The following SEH1L variants were observed in gnomAD, a reference collection of about 807,000 sequenced individuals.
SEH1L encodes nucleoporin SEH1.
A neutral mutation model predicts 49.5 loss-of-function variants in SEH1L; 18 were observed. The observed-to-expected ratio is 0.36, with a 90% CI of 0.25 to 0.54. SEH1L has a LOEUF of 0.54. Ranked by LOEUF, SEH1L falls within the 20% of genes least tolerant of loss-of-function variation. The pLI is 0.87. For missense variants in SEH1L, 404 were observed against 528.8 expected (o/e 0.76, Z 2.31); for synonymous variants, 169 against 178.1 (o/e 0.95, Z 0.41).
At chr18:12,968,346 C>T (rs971588540) in intron 4 of SEH1L, among the ~76,000 whole-genome samples, 4 of 152,170 alleles carry the variant, frequency 2.6e-5, no homozygotes, top group African/African-American at 7.2e-5. Flanking sequence ...AAAGATTTTC[C>T]GTTGAGCACG....
chr18:12,956,207 T>TGG (rs2030848806), intron 3 of SEH1L, among the ~76,000 whole-genome samples: 9 of 151,836 alleles, frequency 5.9e-5, no homozygotes, highest in African/African-American at 2.2e-4. Flanking sequence ...ACCACGCCCA[T>TGG]CTAATTTTTT....
At chr18:12,955,941 C>T (rs2030823978) in intron 3 of SEH1L, among the ~76,000 whole-genome samples, 1 of 151,690 alleles carries the variant, frequency 6.6e-6, no homozygotes, top group Non-Finnish European at 1.5e-5. Flanking sequence ...AAACTCCTGG[C>T]CCCACCTCAG....
chr18:12,961,635 A>G (rs1414495386), intron 3 of SEH1L, among the ~76,000 whole-genome samples: 4 of 152,248 alleles, frequency 2.6e-5, no homozygotes, highest in Admixed American at 6.5e-5. Context: ...TTTGGTAACC[A>G]TAGACAGTAA....
Position 12,987,119 on chromosome 18 carries a change from G to T in SEH1L, c.*62G>T. ...CTTGTAAATGCTTTCATTTCTGGCT[G>T]CTTTTTGTTTTTCATTTTCTTTCAG... On this transcript the variant is annotated 3_prime_UTR_variant, in exon 9 of 9. Transcript: ENST00000399892. 1.6e-6 allele frequency: 2 copies of T among 1,241,042 alleles called. No individual in the cohort carries two copies. Among genetic ancestry groups the T allele is most frequent in the Non-Finnish European group, 1.1e-6 (1 of 899,602 alleles). The allele number at this position is 1,241,042 out of a possible 1,614,324, so 76.9% of individuals were successfully genotyped here.
intron 2 of SEH1L, among the ~76,000 whole-genome samples, chr18:12,952,345 G>A (rs2030592898): frequency 6.6e-6 from 1 of 150,852 alleles, no homozygotes; most frequent in Non-Finnish European, 1.5e-5. Context: ...TGATTCTTCT[G>A]CCTCAGCCTC....
Position 12,987,259 on chromosome 18 carries a change from A to C in SEH1L, c.*202A>C. 1 of 422,492 alleles carries C rather than the reference A, an allele frequency of 2.4e-6. No individual in the cohort carries two copies. The highest frequency in any genetic ancestry group is 4.2e-6 in the Non-Finnish European group (1 of 236,514). The allele number at this position is 422,492 out of a possible 1,614,324, so 26.2% of individuals were successfully genotyped here. A position where few individuals can be genotyped will look rare whatever the true frequency, so the allele number is the denominator to read the frequency against. On this transcript the variant is annotated 3_prime_UTR_variant, in exon 9 of 9. Coordinates refer to ENST00000399892, the MANE Select transcript of SEH1L (RefSeq NM_001013437.2). ...AGGAACATTTGCTTCACTGGGTGATAACCTTTGATGAAATGAGATATGTCC... is the reference window on the plus strand; with the variant it reads ...AGGAACATTTGCTTCACTGGGTGATCACCTTTGATGAAATGAGATATGTCC...
In SEH1L at chr18:12,954,642, A is replaced by G. The variant is rs149563434; in HGVS notation, c.163-821A>G. ...CCACCACACCTGACTAATTTTTTGT[A>G]TTTTTTGTAGTGATGGCATTTTGCC... On this transcript the variant is annotated intron_variant, in intron 2 of 8. Coordinates refer to ENST00000399892, the MANE Select transcript of SEH1L (RefSeq NM_001013437.2). 5.7e-3 allele frequency among the ~76,000 whole-genome samples: 865 copies of G among 151,978 alleles called. 7 individuals are homozygous for G. Among genetic ancestry groups the G allele is most frequent in the African/African-American group, 0.02 (835 of 41,448 alleles).
chr18:12,961,776 C>T (rs2031188371), intron 3 of SEH1L, among the ~76,000 whole-genome samples: 1 of 152,120 alleles, frequency 6.6e-6, no homozygotes. Flanking sequence ...AAGCGATTCT[C>T]CTGCCTTAGC....
At chr18:12,949,531 C>T (rs989415593) in intron 1 of SEH1L, among the ~76,000 whole-genome samples, 1 of 128,696 alleles carries the variant, frequency 7.8e-6, no homozygotes, top group Admixed American at 9.3e-5. Flanking sequence ...TGGCTCACTG[C>T]AAGCTCCGCC....
At chr18:12,956,215 T>G (rs965575260) in intron 3 of SEH1L, among the ~76,000 whole-genome samples, 9 of 151,990 alleles carry the variant, frequency 5.9e-5, no homozygotes, top group Non-Finnish European at 7.4e-5. Flanking sequence ...CATCTAATTT[T>G]TTGCATTTTT....
intron 3 of SEH1L, among the ~76,000 whole-genome samples, chr18:12,957,346 T>G (rs2030928958): frequency 6.6e-6 from 1 of 151,918 alleles, no homozygotes; most frequent in Non-Finnish European, 1.5e-5. Context: ...GAGAATCGCT[T>G]GAACCCGGGA....
At chr18:12,974,899 T>C (rs1474328477) in intron 5 of SEH1L, among the ~76,000 whole-genome samples, 1 of 152,250 alleles carries the variant, frequency 6.6e-6, no homozygotes, top group African/African-American at 2.4e-5. Context: ...AAAGTCTTTT[T>C]TGTTCATTCT....
chr18:12,954,093 G>A (rs908344181), intron 2 of SEH1L, among the ~76,000 whole-genome samples: 3 of 152,186 alleles, frequency 2.0e-5, no homozygotes, highest in African/African-American at 7.2e-5. Context: ...AAAAAAGGGT[G>A]CAAAATGTAC....
rs1163164677 is a variant in SEH1L at position 12,969,211 on chromosome 18, G to C, written c.522-1942G>C. Among the ~76,000 whole-genome samples the C allele has an allele frequency of 9.7e-3, 527 of 54,524 alleles. 3 individuals are homozygous for C. Among genetic ancestry groups the C allele is most frequent in the African/African-American group, 0.032 (183 of 5,808 alleles). 35.8% of individuals were successfully genotyped at this position (54,524 alleles called of 152,430 possible). On this transcript the variant is annotated intron_variant, in intron 4 of 8. Transcript: ENST00000399892. ...GCATCAAGAGCAAAACTCTGTACCC[G>C]CCCCCCCCCCCCCCCCCACCTCACC... is the stretch of plus-strand genomic sequence containing the variant.
chr18:12,985,501 T>C, intron 8 of SEH1L: 1 of 1,237,626 alleles, frequency 8.1e-7, no homozygotes. Flanking sequence ...GTTGAGACAT[T>C]GTCACCAAAA....
rs71174155 is a variant in SEH1L, at chr18:12,949,442, G to GTTTTTTTTTTTTTTTTTTTT, written c.111+1219_111+1238dup. 1.2e-4 allele frequency among the ~76,000 whole-genome samples: 6 copies of GTTTTTTTTTTTTTTTTTTTT among 51,812 alleles called. 2 individuals carry two copies. Among genetic ancestry groups the GTTTTTTTTTTTTTTTTTTTT allele is most frequent in the East Asian group, 1.1e-3 (2 of 1,762 alleles). 34.0% of individuals were successfully genotyped at this position (51,812 alleles called of 152,430 possible). ...TTTGTTGTAATAAACTACGTTAACC[G>GTTTTTTTTTTTTTTTTTTTT]TTTTTTTTTTTTTTTTTTTTTTTTT... On this transcript the variant is annotated intron_variant, in intron 1 of 8. Transcript: ENST00000399892.
chr18:12,982,983 G>C (rs544420111), intron 7 of SEH1L: 1 of 176,582 alleles, frequency 5.7e-6, no homozygotes, highest in African/African-American at 2.4e-5. Flanking sequence ...ACAAACTCAG[G>C]CTAGGACTGT....
intron 1 of SEH1L, among the ~76,000 whole-genome samples, chr18:12,949,104 CCGCCTCGG>C (rs1252915899): frequency 1.3e-5 from 2 of 151,776 alleles, no homozygotes; most frequent in African/African-American, 2.4e-5. Context: ...CGTGATCCAC[CCGCCTCGG>C]CGCCTCGGCC....
At chr18:12,969,892 A>G (rs915002332) in intron 4 of SEH1L, among the ~76,000 whole-genome samples, 9 of 152,122 alleles carry the variant, frequency 5.9e-5, no homozygotes, top group African/African-American at 2.2e-4. Flanking sequence ...TCTGTCTCAA[A>G]AAAACAGGAA....
Sources: gnomAD v4.1 joint callset for allele counts (sites outside exome capture counted in the v4.1 genomes callset) on GRCh38, gnomAD v4.1.1 for gene constraint, MANE v1.5 for transcripts, NCBI Gene and HGNC (gene_info 2026-07-23, HGNC 2026-07-21) for gene names.